Variants in POMZP3 observed in about 807,000 individuals in gnomAD.
The protein encoded by POMZP3 is POM121 and ZP3 fusion.
In POMZP3, 10 loss-of-function variants were observed where a neutral mutation model predicts 19.8. The observed-to-expected ratio is 0.51, with a 90% CI of 0.31 to 0.86. The LOEUF is 0.86. Ranked by LOEUF, POMZP3 falls within the 40% of genes least tolerant of loss-of-function variation. POMZP3 has a pLI of 0.04. For synonymous variants in POMZP3, 57 were observed against 85.8 expected (o/e 0.66, Z 1.85); for missense variants, 152 against 228.1 (o/e 0.67, Z 2.15).
At chr7:76,620,012 T>C (rs62475936) in intron 3 of POMZP3, among the ~76,000 whole-genome samples, 10,495 of 62,128 alleles carry the variant, frequency 0.17, 1,000 homozygotes, top group Middle Eastern at 0.31. Context: ...GGGTGATATC[T>C]TGTCTCTTAA....
rs182240003 is a variant in POMZP3, at chr7:76,621,765, C to T, written c.228-3465G>A. Among the ~76,000 whole-genome samples the T allele has an allele frequency of 6.3e-3, 957 of 151,720 alleles. 7 individuals carry two copies. The highest frequency in any genetic ancestry group is 0.024 in the Middle Eastern group (7 of 294). On this transcript the variant is annotated intron_variant, in intron 3 of 6. Transcript: ENST00000310842. Reference sequence around the variant, plus strand: ...ACCATCCTGGCTAACACGGTGAAATCCCATCTCTACTAAAAATACAAAAAA... The same window carrying T: ...ACCATCCTGGCTAACACGGTGAAATTCCATCTCTACTAAAAATACAAAAAA...
intron 4 of POMZP3, among the ~76,000 whole-genome samples, chr7:76,617,109 C>A (rs1193888033): frequency 1.0e-5 from 1 of 96,722 alleles, no homozygotes; most frequent in African/African-American, 4.2e-5. Flanking sequence ...GCTGGGACTA[C>A]AGGTGCCCAC....
chr7:76,613,535 A>G, intron 4 of POMZP3, among the ~76,000 whole-genome samples: 1 of 47,620 alleles, frequency 2.1e-5, no homozygotes, highest in East Asian at 5.9e-4. Context: ...TCTGAGACGG[A>G]GTCTGTCTCT....
intron 3 of POMZP3, among the ~76,000 whole-genome samples, chr7:76,624,039 T>C (rs569291068): frequency 1.1e-4 from 15 of 138,734 alleles, no homozygotes; most frequent in African/African-American, 4.1e-4. Flanking sequence ...GTAAAGAAAG[T>C]TGAAAAAAGA....
chr7:76,623,954 G>A (rs1404686649), intron 3 of POMZP3, among the ~76,000 whole-genome samples: 1 of 145,444 alleles, frequency 6.9e-6, no homozygotes, highest in African/African-American at 2.6e-5. Context: ...GATTTAGGAA[G>A]GAAATAGAAA....
chr7:76,622,866 A>T (rs1276581748), intron 3 of POMZP3, among the ~76,000 whole-genome samples: 8 of 150,988 alleles, frequency 5.3e-5, no homozygotes, highest in Non-Finnish European at 5.9e-5. Flanking sequence ...TTTTTAATCT[A>T]AATTCCTTTT....
At chr7:76,623,853 G>A (rs1388048020) in intron 3 of POMZP3, among the ~76,000 whole-genome samples, 1 of 151,808 alleles carries the variant, frequency 6.6e-6, no homozygotes, top group East Asian at 1.9e-4. Context: ...CACGCTTGGT[G>A]ACCGTGCTAG....
At position 76,611,454 on chromosome 7, in the gene POMZP3, C is replaced by G. The variant is rs1308227472; in HGVS notation, c.*11G>C. On this transcript the variant is annotated splice_region_variant and 3_prime_UTR_variant, in exon 6 of 7. Transcript: ENST00000310842. ...GCCTCTTGGCCATTCTATGACATAC[C>G]ATGCCTGCGGTTACAGGGAAGCAGA... is the stretch of plus-strand genomic sequence containing the variant. 34 of 1,548,758 alleles carry G rather than the reference C, an allele frequency of 2.2e-5. No individual in the cohort carries two copies. The highest frequency in any genetic ancestry group is 3.0e-5 in the Non-Finnish European group (34 of 1,147,332).
At position 76,627,016 on chromosome 7, in the gene POMZP3, T is replaced by C. The variant is rs1166123290; in HGVS notation, c.-460A>G. 3.0e-6 allele frequency: 4 copies of C among 1,337,890 alleles called. No individual in the cohort carries two copies. Among genetic ancestry groups the C allele is most frequent in the Non-Finnish European group, 3.9e-6 (4 of 1,018,700 alleles). The allele number at this position is 1,337,890 out of a possible 1,614,324, so 82.9% of individuals were successfully genotyped here. On this transcript the variant is annotated 5_prime_UTR_variant, in exon 1 of 7. Transcript: ENST00000310842. ...AGGCGAAGCGAACAGTGTTCGCCGA[T>C]GTCGCGCCTTCTGAACGAAGGAGGA...
intron 3 of POMZP3, among the ~76,000 whole-genome samples, chr7:76,621,940 A>AAAAT (rs200533284): frequency 0.04 from 3,015 of 75,444 alleles, 574 homozygotes; most frequent in Non-Finnish European, 0.042. Context: ...TCCGTTTCAA[A>AAAAT]AAATAAATAA....
chr7:76,621,404 G>C (rs1163508177), intron 3 of POMZP3: 2 of 146,744 alleles, frequency 1.4e-5, no homozygotes, highest in African/African-American at 2.6e-5. Flanking sequence ...TTCTACATCA[G>C]AACCTTCAGA....
Position 76,626,853 on chromosome 7 carries a change from G to C in POMZP3, c.-297C>G. ...GGCCAGGCCTATTCCGCAGGTCCTG[G>C]CCCTCCGGAGCGGGGGCGGGCTGCG... On this transcript the variant is annotated 5_prime_UTR_variant, in exon 1 of 7. Transcript: ENST00000310842. 2.9e-6 allele frequency: 4 copies of C among 1,398,352 alleles called. 1 individual carries two copies. The highest frequency in any genetic ancestry group is 3.7e-6 in the Non-Finnish European group (4 of 1,085,240). 86.6% of individuals were successfully genotyped at this position (1,398,352 alleles called of 1,614,324 possible).
At chr7:76,622,865 T>A (rs2116876897) in intron 3 of POMZP3, among the ~76,000 whole-genome samples, 1 of 151,956 alleles carries the variant, frequency 6.6e-6, no homozygotes, top group South Asian at 2.1e-4. Flanking sequence ...TTTTTTAATC[T>A]AAATTCCTTT....
At position 76,625,637 on chromosome 7, in the gene POMZP3, C is replaced by G. The variant is rs1042462301; in HGVS notation, c.112G>C (p.Ala38Pro). ...SSTLSSPSSN[A>P]PDPCAKETVL... ...GTCTCCTTTGCACATGGGTCTGGGG[C>G]ATTACTTGATGGTGAGGACAGTGTT... The change falls in exon 3 of 7, where the codon GCC becomes CCC. Residue 38 changes from alanine to proline, a missense_variant. Around this residue, in one of 4 missense-constraint regions of POMZP3, gnomAD observed 70 missense variants for 64.1 expected, o/e 1.09. Transcript: ENST00000310842. 3.7e-6 allele frequency: 6 copies of G among 1,613,672 alleles called. No homozygotes were observed. Among genetic ancestry groups the G allele is most frequent in the African/African-American group, 1.3e-5 (1 of 74,860 alleles).
chr7:76,614,858 CAAAAA>C (rs59620004), intron 4 of POMZP3, among the ~76,000 whole-genome samples: 5 of 32,004 alleles, frequency 1.6e-4, no homozygotes, highest in African/African-American at 5.7e-4. Flanking sequence ...AGACTCTGTC[CAAAAA>C]AAAAAAAAAA....
In POMZP3 at chr7:76,610,154, A is replaced by G. The variant is rs1395298638; in HGVS notation, c.*73T>C. 4.5e-6 allele frequency: 7 copies of G among 1,572,470 alleles called. No individual in the cohort carries two copies. In the African/African-American group the frequency reaches 9.7e-5, roughly 22 times the overall value. ...AAGGCAAAGCCCACTGCTCTACTTC[A>G]TGGTCACCCCTCCTGTCCAGGAAGA... On this transcript the variant is annotated 3_prime_UTR_variant, in exon 7 of 7. Transcript: ENST00000310842.
chr7:76,614,959 C>A (rs1372987945), intron 4 of POMZP3, among the ~76,000 whole-genome samples: 1 of 107,014 alleles, frequency 9.3e-6, no homozygotes, highest in East Asian at 2.5e-4. Flanking sequence ...CTGATCCTCC[C>A]ACCTCGGCCT....
chr7:76,623,826 G>A (rs565093402), intron 3 of POMZP3, among the ~76,000 whole-genome samples: 1 of 152,112 alleles, frequency 6.6e-6, no homozygotes, highest in African/African-American at 2.4e-5. Flanking sequence ...GAGAGAGAGA[G>A]AGAAAGAAAA....
intron 1 of POMZP3, 134 bp downstream of exon 1, chr7:76,626,574 C>T (rs1815912522): frequency 1.3e-6 from 1 of 776,522 alleles, no homozygotes; most frequent in Non-Finnish European, 1.9e-6. Context: ...GGCTGGCACA[C>T]ACCAAGGTGT....
Sources: allele counts gnomAD v4.1 joint callset (sites outside exome capture counted in the v4.1 genomes callset), GRCh38; gene constraint gnomAD v4.1.1; regional missense constraint gnomAD v4.1.1; transcripts MANE v1.5; gene names NCBI Gene and HGNC (gene_info 2026-07-23, HGNC 2026-07-21).